The following HAPLN1 variants were observed in gnomAD, a reference collection of about 807,000 sequenced individuals.
HAPLN1 encodes hyaluronan and proteoglycan link protein 1, also known as Cartilage link protein.
HAPLN1 carries 13 observed loss-of-function variants against 36.5 expected under a neutral mutation model. That is an observed-to-expected ratio of 0.36 (90% CI 0.23 to 0.57). The LOEUF (loss-of-function observed/expected upper bound fraction) is 0.57, where lower values mean the gene tolerates loss of function less well. HAPLN1 is among the 20% of genes least tolerant of loss of function. The pLI is 0.83. For missense variants in HAPLN1, 407 were observed against 439.7 expected (o/e 0.93, Z 0.66); for synonymous variants, 202 against 169.8 (o/e 1.19, Z -1.48).
At chr5:83,696,337 C>T (rs767137628) in intron 1 of HAPLN1, among the ~76,000 whole-genome samples, 11 of 152,032 alleles carry the variant, frequency 7.2e-5, no homozygotes, top group Non-Finnish European at 1.0e-4. Flanking sequence ...CCCAAGCTGA[C>T]CCATAAATTC....
At chr5:83,715,121 A>G (rs1462742484) in intron 1 of HAPLN1, among the ~76,000 whole-genome samples, 2 of 152,218 alleles carry the variant, frequency 1.3e-5, no homozygotes, top group African/African-American at 4.8e-5. Context: ...GGGGGATTCA[A>G]TGAGGCTTAA....
intron 1 of HAPLN1, among the ~76,000 whole-genome samples, chr5:83,683,914 A>C (rs1022967757): frequency 3.3e-5 from 5 of 152,140 alleles, no homozygotes; most frequent in Non-Finnish European, 5.9e-5. Context: ...GCAATTGTTT[A>C]AAAAACAGGG....
rs182019369 is a variant in HAPLN1, at chr5:83,657,027, C to T, written c.101-4203G>A. Among the ~76,000 whole-genome samples, 120 of 151,890 alleles carry T rather than the reference C, an allele frequency of 7.9e-4. 3 individuals are homozygous for T. The highest frequency in any genetic ancestry group is 5.6e-3 in the East Asian group (29 of 5,178). ...AAAAATTTATTTGGCGGTTTATACC[C>T]GCAGAAATCTAGGTGATAGAAAAAA... On this transcript the variant is annotated intron_variant, in intron 2 of 4. Transcript: ENST00000274341.
intron 2 of HAPLN1, among the ~76,000 whole-genome samples, chr5:83,672,793 C>G (rs1750762859): frequency 6.6e-6 from 1 of 152,188 alleles, no homozygotes; most frequent in Non-Finnish European, 1.5e-5. Context: ...TTGCATAAGT[C>G]TCAGCTTTCT....
intron 1 of HAPLN1, among the ~76,000 whole-genome samples, chr5:83,678,220 G>GGT (rs56962854): frequency 0.05 from 7,085 of 142,544 alleles, 365 homozygotes; most frequent in African/African-American, 0.13. Flanking sequence ...CTATAGTTTG[G>GGT]GTGTGTGTGT....
At chr5:83,689,475 A>T (rs1751219786) in intron 1 of HAPLN1, among the ~76,000 whole-genome samples, 1 of 151,598 alleles carries the variant, frequency 6.6e-6, no homozygotes, top group Non-Finnish European at 1.5e-5. Flanking sequence ...CTTTTTTTTC[A>T]CTCCCCAGAC....
chr5:83,720,080 G>A (rs750933827), intron 1 of HAPLN1, among the ~76,000 whole-genome samples: 1 of 152,178 alleles, frequency 6.6e-6, no homozygotes, highest in Non-Finnish European at 1.5e-5. Context: ...GCCCAAACAA[G>A]TTTAGGTTTG....
chr5:83,660,831 A>G (rs1750364846), intron 2 of HAPLN1, among the ~76,000 whole-genome samples: 1 of 152,154 alleles, frequency 6.6e-6, no homozygotes, highest in Non-Finnish European at 1.5e-5. Context: ...AAATGGAAGT[A>G]AGTCATCTTC....
intron 1 of HAPLN1, among the ~76,000 whole-genome samples, chr5:83,693,077 T>C (rs1751316737): frequency 6.6e-6 from 1 of 151,810 alleles, no homozygotes; most frequent in Admixed American, 6.6e-5. Flanking sequence ...AAATTAACAA[T>C]AATAAAATGG....
intron 2 of HAPLN1, among the ~76,000 whole-genome samples, chr5:83,669,317 T>A (rs1750637423): frequency 6.6e-6 from 1 of 151,902 alleles, no homozygotes; most frequent in South Asian, 2.1e-4. Context: ...TGGCCAACAT[T>A]GCAAAACCCC....
At chr5:83,642,861 C>T (rs368193141) in intron 4 of HAPLN1, among the ~76,000 whole-genome samples, 1 of 152,144 alleles carries the variant, frequency 6.6e-6, no homozygotes. Flanking sequence ...AAATTGGCCT[C>T]CTACCTGTTT....
intron 2 of HAPLN1, among the ~76,000 whole-genome samples, chr5:83,670,061 G>A (rs1461689080): frequency 6.6e-6 from 1 of 152,138 alleles, no homozygotes; most frequent in Non-Finnish European, 1.5e-5. Context: ...TTGGTTAATA[G>A]GCAAATGGTC....
chr5:83,641,730 T>C lies in HAPLN1; in HGVS notation c.831A>G (p.Gln277=). 2 of 1,614,126 alleles carry C rather than the reference T, an allele frequency of 1.2e-6. No individual in the cohort carries two copies. Among genetic ancestry groups the C allele is most frequent in the Non-Finnish European group, 1.7e-6 (2 of 1,180,016 alleles). Residue 277 remains glutamine (Q), a synonymous_variant, in exon 5 of 5, where the codon CAA becomes CAG. Coordinates refer to ENST00000274341, the MANE Select transcript of HAPLN1 (RefSeq NM_001884.4). ...PTKLTYDEAV[Q]ACLNDGAQIA... ...TCTGAGCACCATCATTGAGACAAGCTTGCACCGCTTCATCATAGGTCAGTT... is the reference window on the plus strand; with the variant it reads ...TCTGAGCACCATCATTGAGACAAGCCTGCACCGCTTCATCATAGGTCAGTT...
intron 1 of HAPLN1, among the ~76,000 whole-genome samples, chr5:83,679,512 C>T (rs763030882): frequency 1.3e-5 from 2 of 152,160 alleles, no homozygotes; most frequent in East Asian, 3.8e-4. Context: ...CCATTCATCA[C>T]CTCCAAATCT....
chr5:83,643,619 A>G (rs1176915566), intron 4 of HAPLN1, among the ~76,000 whole-genome samples: 1 of 151,090 alleles, frequency 6.6e-6, no homozygotes, highest in African/African-American at 2.4e-5. Flanking sequence ...CTTTTTATTT[A>G]TTTATTTTTT....
chr5:83,664,478 G>A (rs556178269), intron 2 of HAPLN1, among the ~76,000 whole-genome samples: 76 of 152,216 alleles, frequency 5.0e-4, no homozygotes, highest in African/African-American at 1.8e-3. Flanking sequence ...CTCCTCCCGG[G>A]TTCAAGCGAT....
At chr5:83,675,531 A>T (rs1269454223) in intron 1 of HAPLN1, among the ~76,000 whole-genome samples, 5 of 152,110 alleles carry the variant, frequency 3.3e-5, no homozygotes, top group Non-Finnish European at 7.4e-5. Flanking sequence ...TTATCCTACC[A>T]CTGCAACCAT....
chr5:83,692,187 T>A (rs900232195), intron 1 of HAPLN1, among the ~76,000 whole-genome samples: 1 of 151,722 alleles, frequency 6.6e-6, no homozygotes, highest in Non-Finnish European at 1.5e-5. Flanking sequence ...AATTGGAGTC[T>A]CCAAAAGAGA....
At chr5:83,652,108 C>A in intron 3 of HAPLN1, 1 of 278,008 alleles carries the variant, frequency 3.6e-6, no homozygotes, top group Non-Finnish European at 6.6e-6. Flanking sequence ...ATTTTAGAAA[C>A]AAAATAAAAA....
Sources: allele counts gnomAD v4.1 joint callset (sites outside exome capture counted in the v4.1 genomes callset), GRCh38; gene constraint gnomAD v4.1.1; transcripts MANE v1.5; gene names NCBI Gene and HGNC (gene_info 2026-07-23, HGNC 2026-07-21).